The following ALPK1 variants were observed in gnomAD, a reference collection of about 807,000 sequenced individuals.
ALPK1 encodes alpha kinase 1, also known as alpha-protein kinase 1.
A neutral mutation model predicts 120.6 loss-of-function variants in ALPK1; 110 were observed. The observed-to-expected ratio is 0.91, with a 90% CI of 0.78 to 1.07. The LOEUF is 1.07. Among genes scored for constraint, ALPK1 ranks in the 50% least tolerant of loss-of-function variants. The pLI is 0.00. For missense variants in ALPK1, 1,498 were observed against 1,483.9 expected, an observed-to-expected ratio of 1.01 and a Z score of -0.16; for synonymous variants, 582 against 560.3, an observed-to-expected ratio of 1.04 and a Z score of -0.55.
rs769313768 is a variant in ALPK1 at position 112,431,556 on chromosome 4, C to T, written c.2009C>T (p.Pro670Leu). The change falls in exon 11 of 16, where the codon CCC becomes CTC. Residue 670 changes from proline (P) to leucine (L), a missense_variant. Pro to Leu is a moderately conservative substitution (Grantham distance 98, BLOSUM62 -3). Transcript: ENST00000650871. Reference sequence around the variant, plus strand: ...CAAAATCAGCCACAGCAACAGATGCCCTTGACACCCTTCTCGCCTCATAAT... The same window carrying T: ...CAAAATCAGCCACAGCAACAGATGCTCTTGACACCCTTCTCGCCTCATAAT... Reference protein sequence around the residue: ...PSQNQPQQQMPLTPFSPHNTP... With the variant: ...PSQNQPQQQMLLTPFSPHNTP... 95 of 1,614,034 alleles carry T rather than the reference C, an allele frequency of 5.9e-5. No homozygotes were observed. The highest frequency in any genetic ancestry group is 7.8e-5 in the Non-Finnish European group (92 of 1,180,046).
At chr4:112,298,857 T>C (rs1356599864) in intron 1 of ALPK1, among the ~76,000 whole-genome samples, 1 of 152,190 alleles carries the variant, frequency 6.6e-6, no homozygotes, top group African/African-American at 2.4e-5. Flanking sequence ...TGAAATTCCA[T>C]GGCTCCTTCT....
intron 2 of ALPK1, among the ~76,000 whole-genome samples, chr4:112,328,237 G>A (rs144403275): frequency 6.6e-6 from 1 of 152,200 alleles, no homozygotes; most frequent in South Asian, 2.1e-4. Flanking sequence ...GCCCACTCGC[G>A]GTCATGCCCA....
intron 2 of ALPK1, among the ~76,000 whole-genome samples, chr4:112,353,747 T>C (rs1014495059): frequency 6.6e-5 from 10 of 152,146 alleles, no homozygotes; most frequent in Non-Finnish European, 1.0e-4. Context: ...TGCAGGCCTG[T>C]AATCCCAGCT....
intron 2 of ALPK1, among the ~76,000 whole-genome samples, chr4:112,349,500 T>C (rs1730237644): frequency 6.6e-6 from 1 of 151,982 alleles, no homozygotes; most frequent in South Asian, 2.1e-4. Context: ...TTAATTCAGT[T>C]GATGCTTATA....
chr4:112,316,385 T>G (rs1048894740), intron 2 of ALPK1: 22 of 152,260 alleles, frequency 1.4e-4, no homozygotes, highest in Admixed American at 1.2e-3. Flanking sequence ...TTTTATTGCA[T>G]GTACATACCA....
chr4:112,403,201 C>T (rs1733001608), intron 4 of ALPK1, among the ~76,000 whole-genome samples: 1 of 151,580 alleles, frequency 6.6e-6, no homozygotes, highest in Non-Finnish European at 1.5e-5. Flanking sequence ...TCAGAGTGCC[C>T]CCCGCCCCCT....
chr4:112,299,984 G>A (rs796071615), intron 1 of ALPK1, among the ~76,000 whole-genome samples: 3 of 152,214 alleles, frequency 2.0e-5, no homozygotes, highest in African/African-American at 7.2e-5. Flanking sequence ...CATAGTATGT[G>A]CCAATGGCTA....
chr4:112,431,942 C>T lies in ALPK1; in HGVS notation c.2395C>T (p.Pro799Ser). The change falls in exon 11 of 16, where the codon CCC becomes TCC. Residue 799 changes from proline to serine, a missense_variant. By Grantham distance (74) the Pro-to-Ser change is moderately conservative. Coordinates refer to ENST00000650871, the MANE Select transcript of ALPK1 (RefSeq NM_025144.4). ...GETAESTEDA[P>S]LDFHRVLHNS... The stretch of plus-strand genomic sequence containing the variant: ...AACAGCAGAAAGCACTGAAGATGCA[C>T]CCTTAGACTTTCACAGGGTCCTGCA... 6.2e-7 allele frequency: 1 copy of T among 1,614,106 alleles called. No homozygotes were observed. Among genetic ancestry groups the T allele is most frequent in the Non-Finnish European group, 8.5e-7 (1 of 1,180,044 alleles).
intron 4 of ALPK1, among the ~76,000 whole-genome samples, chr4:112,402,200 C>T (rs1044817329): frequency 2.1e-4 from 32 of 152,338 alleles, no homozygotes; most frequent in African/African-American, 6.7e-4. Flanking sequence ...TGTTATGCAG[C>T]AATAATTTCC....
intron 2 of ALPK1, among the ~76,000 whole-genome samples, chr4:112,333,363 TG>T (rs952335809): frequency 1.3e-5 from 2 of 152,260 alleles, no homozygotes; most frequent in African/African-American, 4.8e-5. Flanking sequence ...TAATATGTTT[TG>T]TAATGCCTTG....
chr4:112,357,612 C>A, intron 2 of ALPK1: 12 of 1,604,532 alleles, frequency 7.5e-6, no homozygotes, highest in Non-Finnish European at 1.0e-5. Flanking sequence ...CTTTCCCAGT[C>A]TGCCTGGAGA....
chr4:112,434,127 A>G (rs1049781002), intron 11 of ALPK1, among the ~76,000 whole-genome samples: 1 of 152,242 alleles, frequency 6.6e-6, no homozygotes, highest in Non-Finnish European at 1.5e-5. Context: ...ACAATGAGGT[A>G]ACTGCTTTCT....
chr4:112,417,441 A>G (rs1050720782), intron 5 of ALPK1, among the ~76,000 whole-genome samples: 6 of 152,214 alleles, frequency 3.9e-5, no homozygotes, highest in African/African-American at 1.4e-4. Context: ...ATGCATTACA[A>G]TCAAGGAAGG....
intron 2 of ALPK1, among the ~76,000 whole-genome samples, chr4:112,338,809 C>G (rs1729738948): frequency 6.6e-6 from 1 of 152,176 alleles, no homozygotes; most frequent in Non-Finnish European, 1.5e-5. Context: ...GCAAAGTTTT[C>G]ATTTAATTTC....
At chr4:112,362,783 A>G (rs748603447) in intron 2 of ALPK1, among the ~76,000 whole-genome samples, 5 of 152,244 alleles carry the variant, frequency 3.3e-5, no homozygotes, top group African/African-American at 7.2e-5. Context: ...GCACATAGTC[A>G]TCAGGTTATC....
In ALPK1 at chr4:112,439,695, G is replaced by C; in HGVS notation, c.3361G>C (p.Asp1121His). 5 of 1,602,104 alleles carry C rather than the reference G, an allele frequency of 3.1e-6. No homozygotes were observed. Among genetic ancestry groups the C allele is most frequent in the Non-Finnish European group, 4.3e-6 (5 of 1,175,304 alleles). ...CATTGCTATTTTTCAGATTTTAGAG[G>C]ACAAGACAATAAAGGGATGTATCAG... ...IPSTILLILE[D>H]KTIKGCISVE... Residue 1121 changes from aspartate (D) to histidine (H), a missense_variant, in exon 14 of 16, where the codon GAC becomes CAC. Coordinates refer to ENST00000650871, the MANE Select transcript of ALPK1 (RefSeq NM_025144.4).
Position 112,431,374 on chromosome 4 carries a change from A to C in ALPK1, c.1827A>C (p.Lys609Asn). 3 of 1,614,224 alleles carry C rather than the reference A, an allele frequency of 1.9e-6. No homozygotes were observed. Among genetic ancestry groups the C allele is most frequent in the East Asian group, 2.2e-5 (1 of 44,888 alleles). Residue 609 changes from lysine to asparagine, a missense_variant, in exon 11 of 16, where the codon AAA becomes AAC. By Grantham distance (94) the Lys-to-Asn change is moderately conservative (BLOSUM62 0). Transcript: ENST00000650871. ...ACGTTGACGACAGGTCAGCCAGAAA[A>C]GAGCCTGGCAAAGAACATCTGGTGG... is the stretch of plus-strand genomic sequence containing the variant. ...NYHVDDRSAR[K>N]EPGKEHLVDT... is the part of the protein sequence containing the mutation.
intron 5 of ALPK1, among the ~76,000 whole-genome samples, chr4:112,413,157 G>A (rs1733566179): frequency 6.6e-6 from 1 of 152,186 alleles, no homozygotes; most frequent in African/African-American, 2.4e-5. Flanking sequence ...CCTAACAACT[G>A]TTGTTCCTTC....
At chr4:112,406,953 G>A (rs1208126882) in intron 4 of ALPK1, among the ~76,000 whole-genome samples, 5 of 152,184 alleles carry the variant, frequency 3.3e-5, no homozygotes, top group Non-Finnish European at 1.5e-5. Flanking sequence ...AAAATGGGAA[G>A]TTTTTCTGGG....
Sources: allele counts gnomAD v4.1 joint callset (sites outside exome capture counted in the v4.1 genomes callset), GRCh38; gene constraint gnomAD v4.1.1; transcripts MANE v1.5; gene names NCBI Gene and HGNC (gene_info 2026-07-23, HGNC 2026-07-21).